Variants in BIVM observed in about 807,000 individuals in gnomAD.
The protein encoded by BIVM is basic immunoglobulin-like variable motif-containing protein.
BIVM carries 31 observed loss-of-function variants against 61.4 expected under a neutral mutation model. The observed-to-expected ratio is 0.51, with a 90% CI of 0.38 to 0.68. The LOEUF (loss-of-function observed/expected upper bound fraction) is 0.68, where lower values mean the gene tolerates loss of function less well. Among genes scored for constraint, BIVM ranks in the 30% least tolerant of loss-of-function variants. The probability of loss-of-function intolerance (pLI) is 0.00; values close to 1 mark genes in which losing one functional copy is unlikely to be tolerated. For missense variants in BIVM, 526 were observed against 596.0 expected (o/e 0.88, Z 1.22); for synonymous variants, 189 against 210.7 (o/e 0.90, Z 0.89).
At chr13:102,839,338 A>G (rs1428086996) in intron 10 of BIVM, among the ~76,000 whole-genome samples, 2 of 152,154 alleles carry the variant, frequency 1.3e-5, no homozygotes, top group African/African-American at 4.8e-5. Flanking sequence ...GTTGGGAGTG[A>G]GTAGTAGAGA....
intron 7 of BIVM, among the ~76,000 whole-genome samples, chr13:102,822,425 GT>G (rs1274136934): frequency 1.3e-5 from 2 of 152,170 alleles, no homozygotes; most frequent in Non-Finnish European, 2.9e-5. Context: ...ACATTGTATT[GT>G]TTGGGTCCGT....
chr13:102,828,388 G>C (rs553710709), intron 7 of BIVM, among the ~76,000 whole-genome samples: 1 of 152,224 alleles, frequency 6.6e-6, no homozygotes, highest in East Asian at 1.9e-4. Flanking sequence ...GTTTTTTCTA[G>C]TGGGTATTGC....
intron 7 of BIVM, among the ~76,000 whole-genome samples, chr13:102,822,483 C>T (rs182207573): frequency 1.3e-5 from 2 of 152,246 alleles, no homozygotes; most frequent in Middle Eastern, 3.4e-3. Flanking sequence ...TGTGTACGCG[C>T]ACATGCTAGT....
At chr13:102,818,114 G>A (rs1879999097) in intron 4 of BIVM, among the ~76,000 whole-genome samples, 1 of 152,164 alleles carries the variant, frequency 6.6e-6, no homozygotes, top group African/African-American at 2.4e-5. Context: ...CTTAAGGGAG[G>A]AAATATGAAG....
In BIVM at chr13:102,840,418, T is replaced by C. The variant is rs1003318905; in HGVS notation, c.*553T>C. ...GCTTGCCTCATTTGTTTCCTGGTTA[T>C]GTTCTTAGGATTCTGACTAAGAGGC... is the stretch of plus-strand genomic sequence containing the variant. On this transcript the variant is annotated 3_prime_UTR_variant, in exon 11 of 11. Transcript: ENST00000257336. The C allele has an allele frequency of 6.6e-6, 1 of 152,340 alleles. No individual in the cohort carries two copies. Among genetic ancestry groups the C allele is most frequent in the African/African-American group, 2.4e-5 (1 of 41,452 alleles). 9.4% of individuals were successfully genotyped at this position (152,340 alleles called of 1,614,324 possible). A position where few individuals can be genotyped will look rare whatever the true frequency, so the allele number is the denominator to read the frequency against.
At chr13:102,822,795 A>T (rs1880387873) in intron 7 of BIVM, among the ~76,000 whole-genome samples, 1 of 152,266 alleles carries the variant, frequency 6.6e-6, no homozygotes. Context: ...ACATTGTTAA[A>T]GAAAAAATTA....
In BIVM at chr13:102,807,143, TAGG is replaced by T. The variant is rs774362108; in HGVS notation, c.-122_-120del. 7 of 1,000,918 alleles carry T rather than the reference TAGG, an allele frequency of 7.0e-6. No individual in the cohort carries two copies. The highest frequency in any genetic ancestry group is 1.0e-5 in the Non-Finnish European group (7 of 699,274). The allele number at this position is 1,000,918 out of a possible 1,614,324, so 62.0% of individuals were successfully genotyped here. ...GTTGATCATTCTTTTTCCTTCCTCT[TAGG>T]AGCTCATTTTGCAGCTCTCAAGCTT... On this transcript the variant is annotated splice_acceptor_variant and 5_prime_UTR_variant, in exon 3 of 11. Transcript: ENST00000257336. LOFTEE classifies it low-confidence loss of function (5UTR_SPLICE). The surrounding 1 kb of genome is among the most constrained non-coding windows in gnomAD (Gnocchi z 4.0).
intron 2 of BIVM, among the ~76,000 whole-genome samples, chr13:102,806,425 T>C (rs1879086223): frequency 2.0e-5 from 3 of 152,004 alleles, no homozygotes; most frequent in Admixed American, 2.0e-4. Flanking sequence ...AATTTTTGTA[T>C]TTTTAGAAGG....
In BIVM at chr13:102,835,648, G is replaced by T. The variant is rs184894601; in HGVS notation, c.1121+1096G>T. 1.4e-3 allele frequency among the ~76,000 whole-genome samples: 211 copies of T among 152,174 alleles called. 1 individual carries two copies. Among genetic ancestry groups the T allele is most frequent in the African/African-American group, 4.9e-3 (204 of 41,506 alleles). On this transcript the variant is annotated intron_variant, in intron 9 of 10. Transcript: ENST00000257336. ...CCCAGGTTCAAGAGATTCTCCTGCCGTAGCCTCCTGAGTAGTTGGGCTTAC... is the reference window on the plus strand; with the variant it reads ...CCCAGGTTCAAGAGATTCTCCTGCCTTAGCCTCCTGAGTAGTTGGGCTTAC...
At position 102,831,705 on chromosome 13, in the gene BIVM, T is replaced by C. The variant is rs772069245; in HGVS notation, c.1034+8T>C. The C allele has an allele frequency of 2.6e-5, 42 of 1,613,960 alleles. No homozygotes were observed. Among genetic ancestry groups the C allele is most frequent in the Non-Finnish European group, 3.5e-5 (41 of 1,179,980 alleles). ...AGCTAATAAAGCATTCAGGTAAGCA[T>C]TGACGTGTTTTAGAAAGTGCATTTT... On this transcript the variant is annotated splice_region_variant and intron_variant, in intron 8 of 10. Coordinates refer to ENST00000257336, the MANE Select transcript of BIVM (RefSeq NM_017693.4).
At chr13:102,799,935 C>T (rs1878631336) in intron 1 of BIVM, among the ~76,000 whole-genome samples, 1 of 152,162 alleles carries the variant, frequency 6.6e-6, no homozygotes, top group Non-Finnish European at 1.5e-5. Context: ...CAGCGCGCAG[C>T]GGCCGTCGCC....
rs551530413 is a variant in BIVM at position 102,818,662 on chromosome 13, A to G, written c.605+2108A>G. Among the ~76,000 whole-genome samples, 9 of 152,364 alleles carry G rather than the reference A, an allele frequency of 5.9e-5. No homozygotes were observed. The South Asian group carries it at 1.9e-3, about 32-fold the overall frequency. The stretch of plus-strand genomic sequence containing the variant: ...GGGAGAAATGCCCTGAGGGGAAAAC[A>G]TCACCAGGACTATAAGCCTGTTTTC... On this transcript the variant is annotated intron_variant, in intron 4 of 10. Coordinates refer to ENST00000257336, the MANE Select transcript of BIVM (RefSeq NM_017693.4).
intron 1 of BIVM, among the ~76,000 whole-genome samples, chr13:102,802,434 C>T (rs923341035): frequency 6.6e-5 from 10 of 152,012 alleles, no homozygotes; most frequent in African/African-American, 1.7e-4. Flanking sequence ...GTGTTTGGGT[C>T]GTGGGATTTG....
At chr13:102,821,616 AAATAAAAT>A (rs1246540530) in intron 5 of BIVM, 119 bp from the exon 6 acceptor site, 19 of 804,718 alleles carry the variant, frequency 2.4e-5, no homozygotes, top group Non-Finnish European at 3.2e-5. Flanking sequence ...AAAATAAATA[AAATAAAAT>A]AATGAAAAAT....
In BIVM at chr13:102,840,019, T is replaced by A; in HGVS notation, c.*154T>A. 1 of 745,276 alleles carries A rather than the reference T, an allele frequency of 1.3e-6. No homozygotes were observed. Among genetic ancestry groups the A allele is most frequent in the Non-Finnish European group, 2.1e-6 (1 of 473,464 alleles). The allele number at this position is 745,276 out of a possible 1,614,324, so 46.2% of individuals were successfully genotyped here. On this transcript the variant is annotated 3_prime_UTR_variant, in exon 11 of 11. Coordinates refer to ENST00000257336, the MANE Select transcript of BIVM (RefSeq NM_017693.4). The stretch of plus-strand genomic sequence containing the variant: ...TGTAGTTCTCCAGATACTAAGCTTG[T>A]ATATGATTATGGTGGGTGATTTCAG...
chr13:102,828,723 C>T (rs1008561630), intron 7 of BIVM, among the ~76,000 whole-genome samples: 1 of 38,798 alleles, frequency 2.6e-5, no homozygotes, highest in Non-Finnish European at 1.0e-4. Context: ...CTCCATGTAC[C>T]AGTTGTATTT....
chr13:102,836,353 C>T (rs1487334134), intron 9 of BIVM, among the ~76,000 whole-genome samples: 3 of 152,202 alleles, frequency 2.0e-5, no homozygotes, highest in Non-Finnish European at 4.4e-5. Flanking sequence ...CTCTCTATCA[C>T]CCAGGCCAGA....
chr13:102,834,434 T>C (rs1349980338), intron 8 of BIVM, 32 bp from the exon 9 acceptor site: 1 of 1,578,370 alleles, frequency 6.3e-7, no homozygotes. Context: ...GGAGTAACTA[T>C]TAAACGTACT....
intron 8 of BIVM, among the ~76,000 whole-genome samples, 180 bp downstream of exon 8, chr13:102,831,877 A>G (rs1238677963): frequency 1.1e-5 from 1 of 95,008 alleles, no homozygotes; most frequent in Non-Finnish European, 2.4e-5. Context: ...AAAATACAAA[A>G]AAAAAAAAAA....
Sources: gnomAD v4.1 joint callset for allele counts (sites outside exome capture counted in the v4.1 genomes callset) on GRCh38, gnomAD v4.1.1 for gene constraint, Gnocchi (gnomAD v3.1) non-coding constraint, MANE v1.5 for transcripts, NCBI Gene and HGNC (gene_info 2026-07-23, HGNC 2026-07-21) for gene names.